Variants in ZNF283 observed in about 807,000 individuals in gnomAD.
The protein encoded by ZNF283 is zinc finger protein 283, also known as zinc finger protein 41.
In ZNF283, 10 loss-of-function variants were observed where a neutral mutation model predicts 9.2. That is an observed-to-expected ratio of 1.09 (90% CI 0.67 to 1.85). ZNF283 has a LOEUF of 1.85. ZNF283 is among the 40% of genes most tolerant of loss of function. The pLI, the probability that ZNF283 is intolerant of heterozygous loss-of-function variation, is 0.00. For missense variants in ZNF283, 631 were observed against 760.1 expected, an observed-to-expected ratio of 0.83 and a Z score of 2.00; for synonymous variants, 234 against 244.1, an observed-to-expected ratio of 0.96 and a Z score of 0.38.
At chr19:43,831,232 C>G (rs1182836074) in intron 2 of ZNF283, 86 bp from the exon 3 acceptor site, 1 of 891,546 alleles carries the variant, frequency 1.1e-6, no homozygotes, top group African/African-American at 1.6e-5. Flanking sequence ...AGTATCTACT[C>G]TATACCAAAT....
Position 43,827,393 on chromosome 19 carries a change from A to G in ZNF283, c.-196A>G, listed in dbSNP as rs1970518447. The stretch of plus-strand genomic sequence containing the variant: ...ATCAGCCTCTGGGTCCAAACTAACC[A>G]CAGGTCTCTGGGTCCTTTTCCGGTG... On this transcript the variant is annotated 5_prime_UTR_variant, in exon 1 of 7. Coordinates refer to ENST00000618787, the MANE Select transcript of ZNF283 (RefSeq NM_181845.2). 6.6e-6 allele frequency: 1 copy of G among 152,220 alleles called. No individual in the cohort carries two copies. The highest frequency in any genetic ancestry group is 2.4e-5 in the African/African-American group (1 of 41,396). The allele number at this position is 152,220 out of a possible 1,614,324, so 9.4% of individuals were successfully genotyped here. A position where few individuals can be genotyped will look rare whatever the true frequency, so the allele number is the denominator to read the frequency against.
At chr19:43,831,517 A>G (rs1970708376) in intron 3 of ZNF283, 136 bp downstream of exon 3, 1 of 754,980 alleles carries the variant, frequency 1.3e-6, no homozygotes. Context: ...CCAATTATGG[A>G]ATTAATGCAG....
In ZNF283 at chr19:43,848,066, T is replaced by C. The variant is rs74969567; in HGVS notation, c.1465T>C (p.Cys489Arg). ...TCATACTGGTGAGAAATCCCATGAA[T>C]GTAAAGAATGCGGAAAGACCTTTTG... ...RVHTGEKSHE[C>R]KECGKTFCSG... Residue 489 changes from cysteine to arginine, a missense_variant, in exon 7 of 7, where the codon TGT becomes CGT. Cys to Arg is a radical substitution (Grantham distance 180). Around this residue, in one of 3 missense-constraint regions of ZNF283, gnomAD observed 444 missense variants for 522.5 expected, o/e 0.85. Transcript: ENST00000618787. 3.1e-6 allele frequency: 5 copies of C among 1,612,330 alleles called. No homozygotes were observed. In the East Asian group the frequency reaches 8.9e-5, roughly 29 times the overall value.
At chr19:43,839,741 TTACTC>T in intron 6 of ZNF283, among the ~76,000 whole-genome samples, 1 of 152,282 alleles carries the variant, frequency 6.6e-6, no homozygotes. Context: ...TTCAGTTACT[TTACTC>T]CAGAATTTGT....
chr19:43,829,879 C>T (rs1314596914), intron 2 of ZNF283, among the ~76,000 whole-genome samples: 3 of 151,698 alleles, frequency 2.0e-5, no homozygotes, highest in Non-Finnish European at 4.4e-5. Flanking sequence ...AAAAATTAGC[C>T]GGGCATGGTG....
In ZNF283 at chr19:43,831,519, T is replaced by C. The variant is rs1386868049; in HGVS notation, c.-1+138T>C. 3 of 748,144 alleles carry C rather than the reference T, an allele frequency of 4.0e-6. No homozygotes were observed. The African/African-American group carries it at 5.3e-5, about 13-fold the overall frequency. 46.3% of individuals were successfully genotyped at this position (748,144 alleles called of 1,614,324 possible). On this transcript the variant is annotated intron_variant, in intron 3 of 6. Coordinates refer to ENST00000618787, the MANE Select transcript of ZNF283 (RefSeq NM_181845.2). ...TGTCTTTATAGTTCCAATTATGGAA[T>C]TAATGCAGGCTTGGTCCAAAAAAAA...
chr19:43,832,628 A>C (rs1970761319), intron 3 of ZNF283, among the ~76,000 whole-genome samples: 2 of 152,244 alleles, frequency 1.3e-5, no homozygotes, highest in African/African-American at 4.8e-5. Flanking sequence ...AGGTCTGAGA[A>C]AGACACATTT....
At chr19:43,833,650 A>AT (rs1225393265) in intron 4 of ZNF283, 24 bp downstream of exon 4, 5 of 156,066 alleles carry the variant, frequency 3.2e-5, no homozygotes, top group African/African-American at 7.3e-5. Flanking sequence ...CACCCAGCTA[A>AT]TTTTTTTTGT....
Position 43,848,087 on chromosome 19 carries a change from T to C in ZNF283, c.1486T>C (p.Phe496Leu). 1 of 1,612,490 alleles carries C rather than the reference T, an allele frequency of 6.2e-7. No individual in the cohort carries two copies. Among genetic ancestry groups the C allele is most frequent in the Non-Finnish European group, 8.5e-7 (1 of 1,179,656 alleles). ...SHECKECGKT[F>L]CSGYQLTRHQ... The stretch of plus-strand genomic sequence containing the variant: ...TGAATGTAAAGAATGCGGAAAGACC[T>C]TTTGTAGTGGGTATCAACTTACTCG... Residue 496 changes from phenylalanine (F) to leucine (L), a missense_variant, in exon 7 of 7, where the codon TTT (phenylalanine) becomes CTT (leucine). Physicochemically the swap from Phe to Leu is conservative, Grantham distance 22. This residue lies in a region of ZNF283 where 444 missense variants were observed against 522.5 expected (regional missense o/e 0.85). Coordinates refer to ENST00000618787, the MANE Select transcript of ZNF283 (RefSeq NM_181845.2).
At chr19:43,839,234 GTT>G (rs57375994) in intron 6 of ZNF283, among the ~76,000 whole-genome samples, 1 of 150,046 alleles carries the variant, frequency 6.7e-6, no homozygotes, top group Non-Finnish European at 1.5e-5. Context: ...TTGGTTGACA[GTT>G]TTTTTTTTCT....
At position 43,851,900 on chromosome 19, in the gene ZNF283, A is replaced by T. The variant is rs550090924; in HGVS notation, c.*3259A>T. On this transcript the variant is annotated 3_prime_UTR_variant, in exon 7 of 7. Transcript: ENST00000618787. ...TAACCAAAAGAGAATTTCAGTCACCATGTCTGGTTGTTAGCTATGATGGAA... is the reference window on the plus strand; with the variant it reads ...TAACCAAAAGAGAATTTCAGTCACCTTGTCTGGTTGTTAGCTATGATGGAA... 70 of 152,314 alleles carry T rather than the reference A, an allele frequency of 4.6e-4. No homozygotes were observed. The highest frequency in any genetic ancestry group is 1.7e-3 in the African/African-American group (69 of 41,570). The allele number at this position is 152,314 out of a possible 1,614,324, so 9.4% of individuals were successfully genotyped here.
chr19:43,842,694 T>C (rs1378181700), intron 6 of ZNF283, among the ~76,000 whole-genome samples: 1 of 152,202 alleles, frequency 6.6e-6, no homozygotes, highest in African/African-American at 2.4e-5. Flanking sequence ...AATATTCTCA[T>C]AACAATACTG....
intron 6 of ZNF283, among the ~76,000 whole-genome samples, chr19:43,839,104 G>A (rs928156108): frequency 6.6e-6 from 1 of 152,030 alleles, no homozygotes; most frequent in African/African-American, 2.4e-5. Context: ...AAACACTCTT[G>A]TCTAACATTT....
chr19:43,828,443 A>G (rs1392785640), intron 2 of ZNF283, among the ~76,000 whole-genome samples, 162 bp downstream of exon 2: 2 of 152,122 alleles, frequency 1.3e-5, no homozygotes, highest in Middle Eastern at 3.4e-3. Flanking sequence ...GTGGCCCCCT[A>G]TTGTTCTTCT....
Position 43,847,476 on chromosome 19 carries a change from A to C in ZNF283, c.875A>C (p.Glu292Ala). 1.2e-6 allele frequency: 2 copies of C among 1,613,860 alleles called. No individual in the cohort carries two copies. The highest frequency in any genetic ancestry group is 1.7e-6 in the Non-Finnish European group (2 of 1,179,902). Reference sequence around the variant, plus strand: ...ATTCACACTGGTGAGAAACCCTATGAATGTAAAGAATGTGGGAAGGCCTTT... The same window carrying C: ...ATTCACACTGGTGAGAAACCCTATGCATGTAAAGAATGTGGGAAGGCCTTT... ...ERIHTGEKPYECKECGKAFSR... is the reference protein window; with the variant it reads ...ERIHTGEKPYACKECGKAFSR... The change falls in exon 7 of 7, where the codon GAA becomes GCA. Residue 292 changes from glutamate (E) to alanine (A), a missense_variant. Coordinates refer to ENST00000618787, the MANE Select transcript of ZNF283 (RefSeq NM_181845.2).
chr19:43,848,779 A>C lies in ZNF283; in HGVS notation c.*138A>C. ...TCTGTTTATGGGCAATTATCTTGCT[A>C]TCCAGCAATTCATACTAGTGAGAAA... is the stretch of plus-strand genomic sequence containing the variant. On this transcript the variant is annotated 3_prime_UTR_variant, in exon 7 of 7. Coordinates refer to ENST00000618787, the MANE Select transcript of ZNF283 (RefSeq NM_181845.2). The C allele has an allele frequency of 1.3e-6, 1 of 789,348 alleles. No homozygotes were observed. The highest frequency in any genetic ancestry group is 1.9e-6 in the Non-Finnish European group (1 of 533,182). The allele number at this position is 789,348 out of a possible 1,614,324, so 48.9% of individuals were successfully genotyped here.
Position 43,835,532 on chromosome 19 carries a change from A to T in ZNF283, c.150A>T (p.Ser50=). Residue 50 remains serine (S), a synonymous_variant, in exon 5 of 7, where the codon TCA becomes TCT. Transcript: ENST00000618787. The part of the protein sequence containing the change: ...YSSGFSGFCA[S]PIEESHGALI... Reference sequence around the variant, plus strand: ...CTGGCTTTTCTGGATTCTGTGCTTCACCAATAGAGGAATCCCATGGAGCAT... The same window carrying T: ...CTGGCTTTTCTGGATTCTGTGCTTCTCCAATAGAGGAATCCCATGGAGCAT... 1 of 1,611,356 alleles carries T rather than the reference A, an allele frequency of 6.2e-7. No individual in the cohort carries two copies. The highest frequency in any genetic ancestry group is 8.5e-7 in the Non-Finnish European group (1 of 1,178,670).
At position 43,828,257 on chromosome 19, in the gene ZNF283, T is replaced by C. The variant is rs1240847845; in HGVS notation, c.-89T>C. ...AGTTTGAAGAGGAGAAAAGGATTTT[T>C]GCATGTTTAGAAATCAAGGTTCAGG... On this transcript the variant is annotated 5_prime_UTR_variant, in exon 2 of 7. Transcript: ENST00000618787. 1 of 152,242 alleles carries C rather than the reference T, an allele frequency of 6.6e-6. No individual in the cohort carries two copies. Among genetic ancestry groups the C allele is most frequent in the Non-Finnish European group, 1.5e-5 (1 of 68,046 alleles). The allele number at this position is 152,242 out of a possible 1,614,324, so 9.4% of individuals were successfully genotyped here. A position where few individuals can be genotyped will look rare whatever the true frequency, so the allele number is the denominator to read the frequency against.
At chr19:43,830,484 G>A (rs1970657557) in intron 2 of ZNF283, among the ~76,000 whole-genome samples, 1 of 152,116 alleles carries the variant, frequency 6.6e-6, no homozygotes, top group South Asian at 2.1e-4. Flanking sequence ...ATGTGTAAAT[G>A]TGTTTTTTTA....
Sources: allele counts gnomAD v4.1 joint callset (sites outside exome capture counted in the v4.1 genomes callset), GRCh38; gene constraint gnomAD v4.1.1; regional missense constraint gnomAD v4.1.1; transcripts MANE v1.5; gene names NCBI Gene and HGNC (gene_info 2026-07-23, HGNC 2026-07-21).